The following MCUB variants were observed in gnomAD, a reference collection of about 807,000 sequenced individuals.
The protein encoded by MCUB is mitochondrial calcium uniporter dominant negative subunit beta, also known as calcium uniporter regulatory subunit MCUb, mitochondrial.
A neutral mutation model predicts 41.4 loss-of-function variants in MCUB; 46 were observed. That is an observed-to-expected ratio of 1.11 (90% CI 0.88 to 1.42). The LOEUF is 1.42. MCUB is among the 40% of genes most tolerant of loss of function. The pLI is 0.00. For synonymous variants in MCUB, 148 were observed against 148.2 expected, an observed-to-expected ratio of 1.00 and a Z score of 0.01; for missense variants, 403 against 404.9, an observed-to-expected ratio of 1.00 and a Z score of 0.04.
chr4:109,561,993 C>T (rs1726652439), intron 1 of MCUB, among the ~76,000 whole-genome samples: 2 of 152,122 alleles, frequency 1.3e-5, no homozygotes, highest in South Asian at 2.1e-4. Context: ...CGTTGTGATC[C>T]GCCCGTCTCA....
intron 1 of MCUB, among the ~76,000 whole-genome samples, chr4:109,641,033 T>A (rs968576931): frequency 5.9e-5 from 9 of 152,150 alleles, no homozygotes; most frequent in African/African-American, 2.2e-4. Context: ...ATCAATATTG[T>A]CCTTAGGGAA....
intron 4 of MCUB, among the ~76,000 whole-genome samples, chr4:109,679,871 G>A (rs1024888472): frequency 1.3e-5 from 2 of 151,982 alleles, no homozygotes; most frequent in African/African-American, 4.8e-5. Flanking sequence ...GTGCAATCTC[G>A]GCTCACTGCA....
intron 1 of MCUB, among the ~76,000 whole-genome samples, chr4:109,617,946 G>GTTTTT (rs1728166818): frequency 6.6e-6 from 1 of 152,166 alleles, no homozygotes; most frequent in African/African-American, 2.4e-5. Flanking sequence ...GGGAAGTCTT[G>GTTTTT]TTTTCACATG....
intron 1 of MCUB, among the ~76,000 whole-genome samples, chr4:109,597,189 C>G (rs546705827): frequency 1.6e-4 from 24 of 152,226 alleles, no homozygotes; most frequent in East Asian, 1.5e-3. Flanking sequence ...ACCTTTCCCC[C>G]CTTTCTATTC....
At chr4:109,681,785 C>T (rs1203810775) in intron 4 of MCUB, among the ~76,000 whole-genome samples, 1 of 152,190 alleles carries the variant, frequency 6.6e-6, no homozygotes, top group Non-Finnish European at 1.5e-5. Context: ...AAGTCAGCAG[C>T]GAGTCTGCTA....
chr4:109,587,065 TG>T (rs1727325393), intron 1 of MCUB, among the ~76,000 whole-genome samples: 1 of 152,186 alleles, frequency 6.6e-6, no homozygotes, highest in South Asian at 2.1e-4. Context: ...TTCCCAGAGG[TG>T]GAGTCTACAG....
chr4:109,659,418 C>T (rs1729176819), intron 2 of MCUB, among the ~76,000 whole-genome samples: 1 of 152,050 alleles, frequency 6.6e-6, no homozygotes, highest in African/African-American at 2.4e-5. Context: ...AGCAAAACCC[C>T]ATCTCTACAA....
At chr4:109,572,195 G>T (rs188680478) in intron 1 of MCUB, among the ~76,000 whole-genome samples, 172 of 152,344 alleles carry the variant, frequency 1.1e-3, no homozygotes, top group African/African-American at 3.8e-3. Context: ...CCCTCCAGGC[G>T]TATCATAATA....
At chr4:109,614,514 C>T (rs1040961129) in intron 1 of MCUB, among the ~76,000 whole-genome samples, 2 of 151,592 alleles carry the variant, frequency 1.3e-5, no homozygotes, top group African/African-American at 4.9e-5. Flanking sequence ...TTTGCCAACT[C>T]GGAAGATGAC....
chr4:109,600,706 A>G (rs1727710395), intron 1 of MCUB, among the ~76,000 whole-genome samples: 1 of 152,172 alleles, frequency 6.6e-6, no homozygotes, highest in African/African-American at 2.4e-5. Context: ...AGCTTTGAGA[A>G]CAAGATTTAG....
Position 109,687,774 on chromosome 4 carries a change from A to AT in MCUB, c.*183dup. 3.4e-6 allele frequency: 2 copies of AT among 583,316 alleles called. No homozygotes were observed. Among genetic ancestry groups the AT allele is most frequent in the Admixed American group, 6.5e-5 (2 of 31,002 alleles). The allele number at this position is 583,316 out of a possible 1,614,324, so 36.1% of individuals were successfully genotyped here. A position where few individuals can be genotyped will look rare whatever the true frequency, so the allele number is the denominator to read the frequency against. ...CTTTTTGGATTTTTATGACTTGCTA[A>AT]TGTTAGAAAGGGCTTGTATGCGTCT... On this transcript the variant is annotated 3_prime_UTR_variant, in exon 8 of 8. Coordinates refer to ENST00000394650, the MANE Select transcript of MCUB (RefSeq NM_017918.5).
At chr4:109,572,750 C>G (rs1203431045) in intron 1 of MCUB, among the ~76,000 whole-genome samples, 2 of 152,048 alleles carry the variant, frequency 1.3e-5, no homozygotes, top group African/African-American at 4.8e-5. Context: ...TGATCAGTTT[C>G]AAATGCATAA....
At chr4:109,617,245 T>A (rs1201945323) in intron 1 of MCUB, among the ~76,000 whole-genome samples, 3 of 152,240 alleles carry the variant, frequency 2.0e-5, no homozygotes, top group Non-Finnish European at 2.9e-5. Flanking sequence ...AGCTCATTGG[T>A]TTGACTTGTG....
intron 5 of MCUB, among the ~76,000 whole-genome samples, chr4:109,683,550 T>C (rs1729764799): frequency 6.6e-6 from 1 of 152,232 alleles, no homozygotes. Flanking sequence ...CACTTATGAA[T>C]CATTTCAGAT....
intron 1 of MCUB, among the ~76,000 whole-genome samples, chr4:109,581,160 T>C (rs1426661286): frequency 2.0e-5 from 3 of 152,186 alleles, no homozygotes; most frequent in Non-Finnish European, 4.4e-5. Context: ...CAAAACAGCA[T>C]GGTACTGGTA....
chr4:109,687,416 C>T, intron 7 of MCUB, 99 bp from the exon 8 acceptor site: 1 of 783,808 alleles, frequency 1.3e-6, no homozygotes, highest in Non-Finnish European at 2.2e-6. Context: ...CATTTTATTG[C>T]TGTAAGGAGA....
intron 2 of MCUB, 40 bp downstream of exon 2, chr4:109,659,126 GT>G: frequency 8.9e-7 from 1 of 1,120,744 alleles, no homozygotes; most frequent in Non-Finnish European, 1.3e-6. Flanking sequence ...TATGTTAATT[GT>G]TTCCCTTTCT....
chr4:109,683,738 G>A (rs553411690), intron 5 of MCUB, among the ~76,000 whole-genome samples: 244 of 152,250 alleles, frequency 1.6e-3, no homozygotes, highest in African/African-American at 5.3e-3. Context: ...ATTCTTTTAG[G>A]ACTTCAGCTA....
intron 4 of MCUB, among the ~76,000 whole-genome samples, chr4:109,678,316 C>T (rs1312467779): frequency 2.0e-5 from 3 of 152,326 alleles, no homozygotes; most frequent in East Asian, 3.9e-4. Context: ...GGCCTGTTCT[C>T]GATGGTCGCT....
Sources: gnomAD v4.1 joint callset for allele counts (sites outside exome capture counted in the v4.1 genomes callset) on GRCh38, gnomAD v4.1.1 for gene constraint, MANE v1.5 for transcripts, NCBI Gene and HGNC (gene_info 2026-07-23, HGNC 2026-07-21) for gene names.